Variants in IL1RAPL2 observed in about 807,000 individuals in gnomAD.
The protein encoded by IL1RAPL2 is interleukin 1 receptor accessory protein like 2, also known as X-linked interleukin-1 receptor accessory protein-like 2.
Under a neutral mutation model 44.1 loss-of-function variants are expected in IL1RAPL2, and 3 were observed. That is an observed-to-expected ratio of 0.07 (90% CI 0.03 to 0.18). IL1RAPL2 has a LOEUF of 0.18. Ranked by LOEUF, IL1RAPL2 falls within the 10% of genes least tolerant of loss-of-function variation. The pLI is 1.00. For missense variants in IL1RAPL2, 391 were observed against 496.4 expected (o/e 0.79, Z 2.02); for synonymous variants, 181 against 178.8 (o/e 1.01, Z -0.10).
intron 5 of IL1RAPL2, among the ~76,000 whole-genome samples, chrX:105,348,268 A>C (rs1284778146): frequency 1.8e-5 from 2 of 110,841 alleles, no homozygotes; most frequent in African/African-American, 6.6e-5. Context: ...CTTTCCTTTA[A>C]ATGTCTTTAT....
At chrX:105,046,960 C>A (rs1313332996) in intron 2 of IL1RAPL2, among the ~76,000 whole-genome samples, 1 of 109,110 alleles carries the variant, frequency 9.2e-6, no homozygotes, top group Non-Finnish European at 1.9e-5. Flanking sequence ...GATTTTAAAC[C>A]CCATTCTGCC....
At chrX:104,646,842 C>T (rs1009353657) in intron 1 of IL1RAPL2, among the ~76,000 whole-genome samples, 2 of 111,709 alleles carry the variant, frequency 1.8e-5, no homozygotes, top group Non-Finnish European at 3.8e-5. Context: ...AGATGCATCA[C>T]TCCATCAATC....
At chrX:105,499,970 A>G (rs1044684243) in intron 6 of IL1RAPL2, among the ~76,000 whole-genome samples, 6 of 112,621 alleles carry the variant, frequency 5.3e-5, no homozygotes, top group African/African-American at 1.9e-4. Context: ...AACGTGGTCT[A>G]TACATACCAT....
At chrX:104,835,336 CAT>C (rs755228857) in intron 2 of IL1RAPL2, among the ~76,000 whole-genome samples, 1 of 109,679 alleles carries the variant, frequency 9.1e-6, no homozygotes, top group East Asian at 2.9e-4. Flanking sequence ...CTTTGTAAAA[CAT>C]ATCTCCAGGC....
At chrX:104,948,799 G>A (rs2147708341) in intron 2 of IL1RAPL2, among the ~76,000 whole-genome samples, 1 of 109,411 alleles carries the variant, frequency 9.1e-6, no homozygotes, top group East Asian at 3.0e-4. Flanking sequence ...GCTTTTTGAT[G>A]TGCTGCTGGA....
intron 2 of IL1RAPL2, among the ~76,000 whole-genome samples, chrX:104,906,866 G>C: frequency 8.9e-6 from 1 of 111,839 alleles, no homozygotes; most frequent in Middle Eastern, 4.6e-3. Context: ...GATTGGAATA[G>C]TTTCAGAAGG....
chrX:105,080,130 GA>G (rs2147547120), intron 2 of IL1RAPL2, among the ~76,000 whole-genome samples: 1 of 112,248 alleles, frequency 8.9e-6, no homozygotes, highest in Non-Finnish European at 1.9e-5. Flanking sequence ...CCCTTTGTCA[GA>G]TGGACAGATT....
chrX:105,452,527 T>C (rs1004745364), intron 5 of IL1RAPL2, among the ~76,000 whole-genome samples: 26 of 111,664 alleles, frequency 2.3e-4, no homozygotes, highest in African/African-American at 8.1e-4. Flanking sequence ...TTTGACCTTT[T>C]GTATGCCAGT....
At chrX:105,030,187 C>T (rs980931193) in intron 2 of IL1RAPL2, among the ~76,000 whole-genome samples, 1 of 111,431 alleles carries the variant, frequency 9.0e-6, no homozygotes, top group African/African-American at 3.3e-5. Flanking sequence ...TTCTCCCATC[C>T]TGTAAGTTGC....
chrX:105,354,597 C>T (rs2035186378), intron 5 of IL1RAPL2, among the ~76,000 whole-genome samples: 2 of 110,865 alleles, frequency 1.8e-5, no homozygotes, highest in South Asian at 3.9e-4. Context: ...CACATGTGTA[C>T]ATATGTAACA....
chrX:105,163,778 T>G (rs774869766), intron 2 of IL1RAPL2, among the ~76,000 whole-genome samples: 1 of 111,148 alleles, frequency 9.0e-6, no homozygotes, highest in Non-Finnish European at 1.9e-5. Flanking sequence ...GAGTAGCTAC[T>G]TATAGTTAGG....
At chrX:105,731,714 A>G (rs2038407713) in intron 7 of IL1RAPL2, among the ~76,000 whole-genome samples, 1 of 111,227 alleles carries the variant, frequency 9.0e-6, no homozygotes, top group Non-Finnish European at 1.9e-5. Context: ...CCCTGTACTC[A>G]CTTATATGTA....
At chrX:105,576,907 C>G (rs1218861394) in intron 6 of IL1RAPL2, among the ~76,000 whole-genome samples, 1 of 111,456 alleles carries the variant, frequency 9.0e-6, no homozygotes. Context: ...AAAGTTTGCA[C>G]TTTTTTCTTA....
chrX:104,854,085 C>A (rs1385882548), intron 2 of IL1RAPL2, among the ~76,000 whole-genome samples: 2 of 111,216 alleles, frequency 1.8e-5, no homozygotes, highest in Non-Finnish European at 3.8e-5. Flanking sequence ...CTGGGCAAAA[C>A]AAAGAAGTTG....
At chrX:104,959,768 A>C (rs1402005889) in intron 2 of IL1RAPL2, among the ~76,000 whole-genome samples, 1 of 110,709 alleles carries the variant, frequency 9.0e-6, no homozygotes, top group African/African-American at 3.3e-5. Context: ...AACATTGGGC[A>C]ATCCCATATT....
chrX:105,084,035 G>A (rs1189934432), intron 2 of IL1RAPL2, among the ~76,000 whole-genome samples: 1 of 112,508 alleles, frequency 8.9e-6, no homozygotes, highest in African/African-American at 3.2e-5. Flanking sequence ...CGGGAGCACA[G>A]AAGTCAAGAA....
At chrX:105,235,236 A>G (rs1459982536) in intron 4 of IL1RAPL2, among the ~76,000 whole-genome samples, 1 of 111,719 alleles carries the variant, frequency 9.0e-6, no homozygotes, top group Non-Finnish European at 1.9e-5. Flanking sequence ...GATAATAACC[A>G]CACAACCTTC....
At chrX:105,671,436 G>A (rs764335522) in intron 6 of IL1RAPL2, among the ~76,000 whole-genome samples, 1 of 111,542 alleles carries the variant, frequency 9.0e-6, no homozygotes, top group South Asian at 3.7e-4. Flanking sequence ...GGAAATAGAG[G>A]CAGTTTTATT....
intron 2 of IL1RAPL2, among the ~76,000 whole-genome samples, chrX:104,930,166 G>T (rs1292704700): frequency 8.9e-6 from 1 of 112,036 alleles, no homozygotes; most frequent in Non-Finnish European, 1.9e-5. Context: ...CTGCTACAAT[G>T]GTCTTTCTTC....
Sources: allele counts gnomAD v4.1 joint callset (sites outside exome capture counted in the v4.1 genomes callset), GRCh38; gene constraint gnomAD v4.1.1; transcripts MANE v1.5; gene names NCBI Gene and HGNC (gene_info 2026-07-23, HGNC 2026-07-21).